PTPRT: variants seen among roughly 807,000 people sequenced by gnomAD.
PTPRT encodes receptor-type tyrosine-protein phosphatase T.
PTPRT carries 56 observed loss-of-function variants against 176.8 expected under a neutral mutation model. That is an observed-to-expected ratio of 0.32 (90% CI 0.26 to 0.40). PTPRT has a LOEUF of 0.40. Among genes scored for constraint, PTPRT ranks in the 10% least tolerant of loss-of-function variants. The probability of loss-of-function intolerance (pLI) is 1.00; values close to 1 mark genes in which losing one functional copy is unlikely to be tolerated. For synonymous variants in PTPRT, 783 were observed against 739.0 expected, an observed-to-expected ratio of 1.06 and a Z score of -0.96; for missense variants, 1,540 against 1,908.2, an observed-to-expected ratio of 0.81 and a Z score of 3.60.
chr20:42,094,246 C>A (rs1288775884), intron 27 of PTPRT, among the ~76,000 whole-genome samples: 1 of 152,198 alleles, frequency 6.6e-6, no homozygotes, highest in Non-Finnish European at 1.5e-5. Context: ...GGCTCATGAG[C>A]TGAGTTCATT....
intron 6 of PTPRT, among the ~76,000 whole-genome samples, chr20:42,701,319 C>T (rs2075970814): frequency 6.6e-6 from 1 of 152,128 alleles, no homozygotes; most frequent in African/African-American, 2.4e-5. Flanking sequence ...GGGAAGGTCA[C>T]TGATGTAACA....
At chr20:42,311,116 A>G (rs534048720) in intron 12 of PTPRT, among the ~76,000 whole-genome samples, 3 of 152,260 alleles carry the variant, frequency 2.0e-5, no homozygotes, top group East Asian at 3.9e-4. Flanking sequence ...TATTCGATAC[A>G]TTATTTCACT....
intron 14 of PTPRT, among the ~76,000 whole-genome samples, chr20:42,244,096 T>A (rs914009584): frequency 5.3e-5 from 8 of 152,212 alleles, no homozygotes; most frequent in Non-Finnish European, 8.8e-5. Flanking sequence ...CATTTGATCT[T>A]TAGAATAGCC....
At chr20:42,631,001 T>A (rs532699204) in intron 7 of PTPRT, among the ~76,000 whole-genome samples, 35 of 152,170 alleles carry the variant, frequency 2.3e-4, no homozygotes, top group Admixed American at 2.0e-3. Context: ...GTGATGAGAC[T>A]CTTACCCAAG....
In PTPRT at chr20:42,260,298, G is replaced by A. The variant is rs77481141; in HGVS notation, c.2177-11476C>T. On this transcript the variant is annotated intron_variant, in intron 13 of 30. Coordinates refer to ENST00000373187, the MANE Select transcript of PTPRT (RefSeq NM_007050.6). ...GTGGGCCAGACTGTCCTGCTGATGC[G>A]GATGAAGAGGCTGAGTCATCTCAGT... 2.7e-3 allele frequency among the ~76,000 whole-genome samples: 416 copies of A among 152,296 alleles called. 5 individuals carry two copies. The East Asian group carries it at 0.041, about 15-fold the overall frequency.
At chr20:42,243,451 G>A (rs2056394807) in intron 14 of PTPRT, among the ~76,000 whole-genome samples, 1 of 152,206 alleles carries the variant, frequency 6.6e-6, no homozygotes, top group Admixed American at 6.5e-5. Context: ...GGGGCAGGAG[G>A]CTGGTGGAAA....
intron 16 of PTPRT, among the ~76,000 whole-genome samples, chr20:42,183,842 G>A (rs1350676158): frequency 5.9e-5 from 9 of 152,096 alleles, no homozygotes; most frequent in Non-Finnish European, 1.3e-4. Context: ...TAGTTTTTAG[G>A]AGGACTAGCA....
At chr20:42,248,886 CATA>C (rs1310274820) in intron 13 of PTPRT, 64 bp from the exon 14 acceptor site, 1 of 1,577,808 alleles carries the variant, frequency 6.3e-7, no homozygotes, top group African/African-American at 1.3e-5. Context: ...AGACAATCAT[CATA>C]ATGACAACAG....
In PTPRT at chr20:42,716,522, T is replaced by C. The variant is rs2076225712; in HGVS notation, c.860-38363A>G. On this transcript the variant is annotated intron_variant, in intron 6 of 30. Coordinates refer to ENST00000373187, the MANE Select transcript of PTPRT (RefSeq NM_007050.6). ...ACCAGTGATGATGAGCATTTTTTCA[T>C]GTGTCTTTTGGTTGCATAAATGTCT... Among the ~76,000 whole-genome samples the C allele has an allele frequency of 2.0e-5, 3 of 152,366 alleles. 1 individual carries two copies. The South Asian group carries it at 6.2e-4, about 32-fold the overall frequency.
chr20:42,954,061 C>CGT (rs1981455820), intron 1 of PTPRT, among the ~76,000 whole-genome samples: 1 of 151,984 alleles, frequency 6.6e-6, no homozygotes, highest in Non-Finnish European at 1.5e-5. Flanking sequence ...TAAGACCTCC[C>CGT]GTGGGATGGC....
At chr20:42,445,787 G>C (rs1299813577) in intron 9 of PTPRT, among the ~76,000 whole-genome samples, 2 of 152,140 alleles carry the variant, frequency 1.3e-5, no homozygotes, top group African/African-American at 4.8e-5. Context: ...CTGGCATCTG[G>C]TCTCTGAAAA....
intron 7 of PTPRT, among the ~76,000 whole-genome samples, chr20:42,520,631 T>C (rs1343606520): frequency 6.6e-6 from 1 of 152,086 alleles, no homozygotes; most frequent in Non-Finnish European, 1.5e-5. Flanking sequence ...TACTCTAACT[T>C]CATCTTGTAT....
intron 9 of PTPRT, among the ~76,000 whole-genome samples, chr20:42,440,262 G>T (rs2145830191): frequency 1.3e-5 from 2 of 152,158 alleles, no homozygotes; most frequent in Middle Eastern, 6.8e-3. Context: ...TGAGCAGAAG[G>T]TATCTCAAGG....
chr20:43,028,841 C>T (rs1456438480), intron 1 of PTPRT, among the ~76,000 whole-genome samples: 1 of 152,072 alleles, frequency 6.6e-6, no homozygotes, highest in Non-Finnish European at 1.5e-5. Context: ...ATCAGGGCCA[C>T]GGCTAGAGGG....
Position 42,942,634 on chromosome 20 carries a change from T to C in PTPRT, c.89-56702A>G, listed in dbSNP as rs866281377. Among the ~76,000 whole-genome samples, 3 of 152,128 alleles carry C rather than the reference T, an allele frequency of 2.0e-5. No individual in the cohort carries two copies. In the East Asian group the frequency reaches 5.8e-4, roughly 29 times the overall value. On this transcript the variant is annotated intron_variant, in intron 1 of 30. Transcript: ENST00000373187. Reference sequence around the variant, plus strand: ...CATGGGGCTTGGCACTTGGGGAACATAGTATGGGCGTATGATTGCTGGCTC... The same window carrying C: ...CATGGGGCTTGGCACTTGGGGAACACAGTATGGGCGTATGATTGCTGGCTC...
chr20:42,696,848 T>C (rs975738439), intron 6 of PTPRT, among the ~76,000 whole-genome samples: 11 of 152,122 alleles, frequency 7.2e-5, no homozygotes, highest in Non-Finnish European at 1.5e-4. Context: ...GAGACAACTG[T>C]AGCCCCAGTA....
Position 42,104,594 on chromosome 20 carries a change from G to T in PTPRT, c.3515C>A (p.Ser1172Tyr), listed in dbSNP as rs1986250786. 1 of 1,612,990 alleles carries T rather than the reference G, an allele frequency of 6.2e-7. No individual in the cohort carries two copies. The highest frequency in any genetic ancestry group is 8.5e-7 in the Non-Finnish European group (1 of 1,179,202). Residue 1172 changes from serine (S) to tyrosine (Y), a missense_variant, in exon 25 of 31, where the codon TCC becomes TAC. Physicochemically the swap from Ser to Tyr is moderately radical, Grantham distance 144. Coordinates refer to ENST00000373187, the MANE Select transcript of PTPRT (RefSeq NM_007050.6). ...NISRLDPQTN[S>Y]SQIKDEFQTL... is the part of the protein sequence containing the mutation. The stretch of plus-strand genomic sequence containing the variant: ...CTGAAATTCATCTTTGATTTGGCTG[G>T]AGTTTGTCTGGGGGTCCAGCCTGCT...
intron 5 of PTPRT, among the ~76,000 whole-genome samples, chr20:42,771,020 A>G (rs781452733): frequency 2.0e-5 from 3 of 152,192 alleles, no homozygotes; most frequent in Non-Finnish European, 4.4e-5. Flanking sequence ...TCATCATAGC[A>G]CACACTTTCT....
chr20:42,437,153 T>G (rs185137639), intron 9 of PTPRT, among the ~76,000 whole-genome samples: 10 of 152,318 alleles, frequency 6.6e-5, no homozygotes, highest in Admixed American at 6.5e-4. Context: ...ATTCTGGTTG[T>G]CTTTTAGTTG....
Sources: allele counts gnomAD v4.1 joint callset (sites outside exome capture counted in the v4.1 genomes callset), GRCh38; gene constraint gnomAD v4.1.1; transcripts MANE v1.5; gene names NCBI Gene and HGNC (gene_info 2026-07-23, HGNC 2026-07-21).